Variants in NBPF20 observed in about 807,000 individuals in gnomAD.
NBPF20 encodes the protein NBPF member 20.
In NBPF20, 90 loss-of-function variants were observed where a neutral mutation model predicts 68.1. That is an observed-to-expected ratio of 1.32 (90% confidence interval 1.11 to 1.58). NBPF20 has a LOEUF of 1.58. NBPF20 is among the 40% of genes most tolerant of loss of function. The pLI, the probability that NBPF20 is intolerant of heterozygous loss-of-function variation, is 0.00. For synonymous variants in NBPF20, 290 were observed against 228.1 expected, an observed-to-expected ratio of 1.27 and a Z score of -2.45; for missense variants, 816 against 601.2, an observed-to-expected ratio of 1.36 and a Z score of -3.74.
At position 145,290,372 on chromosome 1, in the gene NBPF20, A is replaced by G. The variant is rs587606437; in HGVS notation, c.*1154T>C. The G allele has an allele frequency of 1.4e-4, 21 of 149,686 alleles. No homozygotes were observed. In the East Asian group the frequency reaches 3.7e-3, roughly 27 times the overall value. The allele number at this position is 149,686 out of a possible 1,614,324, so 9.3% of individuals were successfully genotyped here. ...ATATCATAATGGTGATGGACAAACTAGACCTTCTCTGCCCGCAGATGGGCT... is the reference window on the plus strand; with the variant it reads ...ATATCATAATGGTGATGGACAAACTGGACCTTCTCTGCCCGCAGATGGGCT... On this transcript the variant is annotated 3_prime_UTR_variant, in exon 138 of 138. Transcript: ENST00000369373.
chr1:145,395,220 A>G (rs1353421315), intron 7 of NBPF20, 79 bp from the exon 13 acceptor site: 4 of 859,976 alleles, frequency 4.7e-6, no homozygotes, highest in Non-Finnish European at 7.5e-6. Context: ...AGATGATCTG[A>G]TGGGAGACAG....
At chr1:145,400,528 A>G (rs1456497646) in exon 6 of NBPF20, 6 of 1,612,770 alleles carry the variant, frequency 3.7e-6, no homozygotes, top group East Asian at 2.2e-5. Context: ...GGCTATTTGA[A>G]TAAGTGATGG....
chr1:145,292,543 T>A lies in NBPF20; in HGVS notation c.16589-54A>T, dbSNP rs1411141406. On this transcript the variant is annotated intron_variant, in intron 136 of 137. Transcript: ENST00000369373. Reference sequence around the variant, plus strand: ...CATTAAGCTGATTCCCCTACACACATAACAATCCACTGTCTAATCCTCACA... The same window carrying A: ...CATTAAGCTGATTCCCCTACACACAAAACAATCCACTGTCTAATCCTCACA... 20 of 697,154 alleles carry A rather than the reference T, an allele frequency of 2.9e-5. 1 individual carries two copies. The East Asian group carries it at 5.0e-4, about 17-fold the overall frequency. 43.2% of individuals were successfully genotyped at this position (697,154 alleles called of 1,614,324 possible). A position where few individuals can be genotyped will look rare whatever the true frequency, so the allele number is the denominator to read the frequency against.
chr1:145,423,876 C>A, the NBPF20 span, among the ~76,000 whole-genome samples: 1 of 151,930 alleles, frequency 6.6e-6, no homozygotes, highest in African/African-American at 2.4e-5. Flanking sequence ...TCATATACCT[C>A]TAAAACCAAC....
At chr1:145,396,782 A>T (rs878967390) in intron 7 of NBPF20, among the ~76,000 whole-genome samples, 8 of 149,762 alleles carry the variant, frequency 5.3e-5, no homozygotes, top group South Asian at 2.1e-4. Flanking sequence ...ACAGATATAT[A>T]TAATACTTTA....
chr1:145,291,568 A>T, exon 138 of NBPF20: 1 of 1,612,010 alleles, frequency 6.2e-7, no homozygotes, highest in Non-Finnish European at 8.5e-7. Flanking sequence ...CCAGGTGGAG[A>T]CTTGTCACCG....
At chr1:145,400,887 A>G (rs1172567898) in intron 5 of NBPF20, among the ~76,000 whole-genome samples, 172 bp downstream of exon 10, 17 of 151,898 alleles carry the variant, frequency 1.1e-4, no homozygotes, top group Non-Finnish European at 2.4e-4. Flanking sequence ...CTCGGCACAC[A>G]CAGAGAAACA....
the NBPF20 span, among the ~76,000 whole-genome samples, chr1:145,421,303 G>A: frequency 1.3e-5 from 2 of 152,144 alleles, no homozygotes; most frequent in Non-Finnish European, 2.9e-5. Context: ...ATATTCTACA[G>A]GCTGTCTCGC....
intron 43 of NBPF20, among the ~76,000 whole-genome samples, chr1:145,366,645 C>T (rs1661704148): frequency 1.6e-5 from 1 of 63,062 alleles, no homozygotes; most frequent in East Asian, 7.0e-4. Context: ...AGGTGACACA[C>T]TGATGAGGGA....
At chr1:145,424,727 G>A in the NBPF20 span, among the ~76,000 whole-genome samples, 3 of 152,144 alleles carry the variant, frequency 2.0e-5, no homozygotes, top group Non-Finnish European at 4.4e-5. Context: ...CAGACACAGG[G>A]AAATCACAGC....
the NBPF20 span, among the ~76,000 whole-genome samples, chr1:145,421,406 T>C: frequency 6.6e-5 from 10 of 152,358 alleles, no homozygotes; most frequent in African/African-American, 1.7e-4. Context: ...CATTTCCTTT[T>C]ATGTCAGGTT....
At chr1:145,291,452 A>C (rs1661077112) in exon 138 of NBPF20, 11 of 1,611,870 alleles carry the variant, frequency 6.8e-6, no homozygotes, top group Non-Finnish European at 9.3e-6. Context: ...ATGGAACTGT[A>C]CTTTCATTCA....
At chr1:145,395,958 G>A (rs1210121108) in intron 7 of NBPF20, among the ~76,000 whole-genome samples, 14 of 143,838 alleles carry the variant, frequency 9.7e-5, no homozygotes, top group African/African-American at 3.3e-4. Context: ...CCAAAGGATC[G>A]CAGCTCCTCG....
chr1:145,403,904 T>C (rs1206263322), intron 2 of NBPF20, among the ~76,000 whole-genome samples: 1 of 151,582 alleles, frequency 6.6e-6, no homozygotes, highest in Non-Finnish European at 1.5e-5. Flanking sequence ...TGTGTTAATT[T>C]AGAAACAGCA....
the NBPF20 span, among the ~76,000 whole-genome samples, chr1:145,411,387 C>CTTTTTT: frequency 6.6e-5 from 7 of 106,166 alleles, no homozygotes; most frequent in East Asian, 2.6e-4. Flanking sequence ...GTTGACTTTC[C>CTTTTTT]TTTTTTTTTT....
chr1:145,419,527 G>A, the NBPF20 span, among the ~76,000 whole-genome samples: 6 of 152,212 alleles, frequency 3.9e-5, no homozygotes, highest in South Asian at 6.2e-4. Flanking sequence ...ACACCAGGCC[G>A]CAACCTTTCC....
At chr1:145,291,966 G>C (rs1449228776) in intron 137 of NBPF20, among the ~76,000 whole-genome samples, 197 bp from the exon 143 acceptor site, 1 of 150,392 alleles carries the variant, frequency 6.6e-6, no homozygotes, top group East Asian at 1.9e-4. Context: ...GAGAAAGACA[G>C]AGAGAGAGAG....
chr1:145,422,870 T>G, the NBPF20 span, among the ~76,000 whole-genome samples: 1 of 149,930 alleles, frequency 6.7e-6, no homozygotes, highest in African/African-American at 2.5e-5. Flanking sequence ...ACTCCTATAG[T>G]CGCAGCTACT....
In NBPF20 at chr1:145,291,288, C is replaced by A. The variant is rs587648849; in HGVS notation, c.*238G>T. The A allele has an allele frequency of 3.1e-3, 2,011 of 647,564 alleles. 13 individuals are homozygous for A. The highest frequency in any genetic ancestry group is 0.024 in the Middle Eastern group (56 of 2,334). The allele number at this position is 647,564 out of a possible 1,614,324, so 40.1% of individuals were successfully genotyped here. A position where few individuals can be genotyped will look rare whatever the true frequency, so the allele number is the denominator to read the frequency against. On this transcript the variant is annotated 3_prime_UTR_variant, in exon 138 of 138. Transcript: ENST00000369373. ...ACGTGGTTCAAATTAAAATGTCTGA[C>A]TGATCACTCCCGGCATGTGCTGCAC...
Sources: gnomAD v4.1 joint callset for allele counts (sites outside exome capture counted in the v4.1 genomes callset) on GRCh38, gnomAD v4.1.1 for gene constraint, MANE v1.5 for transcripts, NCBI Gene and HGNC (gene_info 2026-07-23, HGNC 2026-07-21) for gene names.